The following ADGRB3 variants were observed in gnomAD, a reference collection of about 807,000 sequenced individuals.
ADGRB3 encodes the protein adhesion G protein-coupled receptor B3.
ADGRB3 carries 37 observed loss-of-function variants against 193.4 expected under a neutral mutation model. The observed-to-expected ratio is 0.19, with a 90% CI of 0.15 to 0.25. The LOEUF is 0.25. Ranked by LOEUF, ADGRB3 falls within the 10% of genes least tolerant of loss-of-function variation. The pLI is 1.00. For missense variants in ADGRB3, 1,637 were observed against 1,852.9 expected (o/e 0.88, Z 2.14); for synonymous variants, 690 against 644.2 (o/e 1.07, Z -1.08).
chr6:69,236,809 A>G (rs913571037), intron 19 of ADGRB3, among the ~76,000 whole-genome samples: 2 of 152,114 alleles, frequency 1.3e-5, no homozygotes, highest in South Asian at 2.1e-4. Context: ...TTTAATGCAG[A>G]AAGTTCAAGA....
chr6:68,898,051 AAG>A (rs1029019817), intron 3 of ADGRB3, among the ~76,000 whole-genome samples: 2 of 150,198 alleles, frequency 1.3e-5, no homozygotes, highest in Non-Finnish European at 3.0e-5. Flanking sequence ...GAGACAGAGA[AAG>A]AGAGGTTTAT....
intron 3 of ADGRB3, among the ~76,000 whole-genome samples, chr6:68,641,263 AGTT>A (rs1241240851): frequency 3.3e-5 from 5 of 152,158 alleles, no homozygotes; most frequent in African/African-American, 9.7e-5. Context: ...ACAAAAACAA[AGTT>A]GTTGTGTGTG....
At chr6:68,729,136 G>A (rs1288252430) in intron 3 of ADGRB3, among the ~76,000 whole-genome samples, 1 of 151,530 alleles carries the variant, frequency 6.6e-6, no homozygotes, top group Non-Finnish European at 1.5e-5. Flanking sequence ...TTAAAACGGA[G>A]ATATAAGTCA....
chr6:68,690,124 A>G (rs915343805), intron 3 of ADGRB3, among the ~76,000 whole-genome samples: 28 of 152,172 alleles, frequency 1.8e-4, no homozygotes, highest in African/African-American at 6.5e-4. Flanking sequence ...GTGAGCAAGT[A>G]GGGTTGTCTG....
intron 3 of ADGRB3, among the ~76,000 whole-genome samples, chr6:68,660,821 A>G (rs1320588496): frequency 6.6e-6 from 1 of 151,166 alleles, no homozygotes; most frequent in Non-Finnish European, 1.5e-5. Context: ...GTCTTCAGCA[A>G]AACGTTAATT....
At chr6:68,779,476 C>T (rs958395197) in intron 3 of ADGRB3, among the ~76,000 whole-genome samples, 3 of 151,848 alleles carry the variant, frequency 2.0e-5, no homozygotes, top group Non-Finnish European at 2.9e-5. Context: ...GATTATGTAA[C>T]CATTGCAGAA....
chr6:69,005,855 G>C (rs572867559), intron 11 of ADGRB3, among the ~76,000 whole-genome samples: 2 of 152,060 alleles, frequency 1.3e-5, no homozygotes, highest in Non-Finnish European at 2.9e-5. Flanking sequence ...TTTGACTCTA[G>C]ATCATATTCT....
At chr6:69,100,468 A>C (rs1332621074) in intron 17 of ADGRB3, among the ~76,000 whole-genome samples, 1 of 152,190 alleles carries the variant, frequency 6.6e-6, no homozygotes, top group African/African-American at 2.4e-5. Flanking sequence ...AGAGGAGAGG[A>C]GAAAAGCAAA....
intron 17 of ADGRB3, among the ~76,000 whole-genome samples, chr6:69,201,403 T>C (rs1296966453): frequency 6.6e-6 from 1 of 151,968 alleles, no homozygotes; most frequent in Non-Finnish European, 1.5e-5. Context: ...CTACCTATCT[T>C]TCTTAAAATT....
Position 69,322,708 on chromosome 6 carries a change from T to C in ADGRB3, c.2815-2164T>C, listed in dbSNP as rs372346442. Among the ~76,000 whole-genome samples the C allele has an allele frequency of 2.5e-4, 38 of 152,116 alleles. 1 individual carries two copies. Among genetic ancestry groups the C allele is most frequent in the African/African-American group, 8.7e-4 (36 of 41,568 alleles). ...AGTGTAGCTCCTTTTTTTCTATTTT[T>C]CAAGATCATAGTTTTTGCGATGCTC... On this transcript the variant is annotated intron_variant, in intron 20 of 31. Coordinates refer to ENST00000370598, the MANE Select transcript of ADGRB3 (RefSeq NM_001704.3).
At chr6:69,324,846 G>C in intron 20 of ADGRB3, 26 bp from the exon 21 acceptor site, 1 of 1,612,222 alleles carries the variant, frequency 6.2e-7, no homozygotes, top group Non-Finnish European at 8.5e-7. Context: ...TTCAGTGTGA[G>C]TCTTTTTGTT....
chr6:68,893,639 A>G (rs1013530298), intron 3 of ADGRB3, among the ~76,000 whole-genome samples: 1 of 151,958 alleles, frequency 6.6e-6, no homozygotes, highest in African/African-American at 2.4e-5. Context: ...AATAGAAAGG[A>G]ACACACTATA....
chr6:68,876,387 C>A (rs866084043), intron 3 of ADGRB3, among the ~76,000 whole-genome samples: 22 of 152,048 alleles, frequency 1.4e-4, no homozygotes, highest in Admixed American at 9.8e-4. Context: ...CTCATAAGAC[C>A]AAAGCACAGA....
At chr6:68,785,638 G>GCT (rs1766951551) in intron 3 of ADGRB3, among the ~76,000 whole-genome samples, 1 of 152,056 alleles carries the variant, frequency 6.6e-6, no homozygotes, top group Admixed American at 6.6e-5. Flanking sequence ...TGTCTTTATA[G>GCT]GCACATAATT....
chr6:69,053,724 C>T (rs550472381), intron 15 of ADGRB3, among the ~76,000 whole-genome samples: 3 of 152,290 alleles, frequency 2.0e-5, no homozygotes, highest in Non-Finnish European at 2.9e-5. Flanking sequence ...TTGGCAAGCT[C>T]GTAAACTGCT....
intron 3 of ADGRB3, among the ~76,000 whole-genome samples, chr6:68,800,377 G>C (rs938248536): frequency 1.3e-5 from 2 of 152,172 alleles, no homozygotes; most frequent in Non-Finnish European, 2.9e-5. Context: ...AAAGATGTCT[G>C]TCAGATGTGT....
chr6:68,942,841 C>T (rs1767680380), intron 5 of ADGRB3, among the ~76,000 whole-genome samples: 1 of 152,114 alleles, frequency 6.6e-6, no homozygotes, highest in African/African-American at 2.4e-5. Context: ...GAACTCCTGA[C>T]CTCAGGTGAT....
chr6:68,843,022 C>T (rs934704640), intron 3 of ADGRB3, among the ~76,000 whole-genome samples: 9 of 145,556 alleles, frequency 6.2e-5, no homozygotes, highest in African/African-American at 2.1e-4. Flanking sequence ...AAGAATGTAC[C>T]TCAACACAAT....
intron 17 of ADGRB3, among the ~76,000 whole-genome samples, chr6:69,194,284 C>G (rs1019427414): frequency 5.3e-5 from 8 of 152,080 alleles, no homozygotes; most frequent in African/African-American, 1.9e-4. Flanking sequence ...TTAACTGTCC[C>G]TTGTACAGCA....
Sources: allele counts gnomAD v4.1 joint callset (sites outside exome capture counted in the v4.1 genomes callset), GRCh38; gene constraint gnomAD v4.1.1; transcripts MANE v1.5; gene names NCBI Gene and HGNC (gene_info 2026-07-23, HGNC 2026-07-21).